Variants in MMP16 observed in about 807,000 individuals in gnomAD.
MMP16 encodes matrix metallopeptidase 16.
In MMP16, 12 loss-of-function variants were observed where a neutral mutation model predicts 67.8. The observed-to-expected ratio is 0.18, with a 90% CI of 0.11 to 0.29. The LOEUF is 0.29. Among genes scored for constraint, MMP16 ranks in the 10% least tolerant of loss-of-function variants. MMP16 has a pLI of 1.00. For missense variants in MMP16, 475 were observed against 765.7 expected (o/e 0.62, Z 4.48); for synonymous variants, 249 against 255.9 (o/e 0.97, Z 0.26).
intron 6 of MMP16, among the ~76,000 whole-genome samples, chr8:88,101,856 T>C (rs1019972902): frequency 6.6e-6 from 1 of 151,854 alleles, no homozygotes; most frequent in Admixed American, 6.6e-5. Context: ...CAGTTCCAGA[T>C]AGGACATATC....
At chr8:88,277,454 A>C (rs1341557777) in intron 1 of MMP16, among the ~76,000 whole-genome samples, 1 of 152,224 alleles carries the variant, frequency 6.6e-6, no homozygotes, top group Non-Finnish European at 1.5e-5. Context: ...ATTCTAATTA[A>C]GAAAAACACA....
intron 1 of MMP16, among the ~76,000 whole-genome samples, chr8:88,277,307 T>C (rs1810663604): frequency 6.6e-6 from 1 of 152,208 alleles, no homozygotes; most frequent in African/African-American, 2.4e-5. Context: ...TATGATTATG[T>C]GTATCTTCTT....
chr8:88,055,607 A>AAT (rs1326915253), intron 8 of MMP16, among the ~76,000 whole-genome samples: 1 of 152,196 alleles, frequency 6.6e-6, no homozygotes, highest in Non-Finnish European at 1.5e-5. Context: ...GTTGGGAAAA[A>AAT]ATATTATACT....
At chr8:88,254,275 C>T (rs1240144877) in intron 1 of MMP16, among the ~76,000 whole-genome samples, 7 of 152,048 alleles carry the variant, frequency 4.6e-5, no homozygotes, top group Admixed American at 1.3e-4. Flanking sequence ...CACATGGACA[C>T]GTCCAGGGAA....
At chr8:88,258,750 GC>G (rs1253448616) in intron 1 of MMP16, among the ~76,000 whole-genome samples, 4 of 151,792 alleles carry the variant, frequency 2.6e-5, no homozygotes, top group African/African-American at 9.7e-5. Flanking sequence ...GCTATTGTTC[GC>G]CTATCTCAAT....
chr8:88,256,867 T>C (rs1047674578), intron 1 of MMP16, among the ~76,000 whole-genome samples: 1 of 152,192 alleles, frequency 6.6e-6, no homozygotes, highest in Non-Finnish European at 1.5e-5. Flanking sequence ...TTATTTTATT[T>C]CTTTTATTTC....
At chr8:88,050,496 ATAAAG>A (rs1469624676) in intron 8 of MMP16, among the ~76,000 whole-genome samples, 2 of 152,354 alleles carry the variant, frequency 1.3e-5, no homozygotes, top group Non-Finnish European at 1.5e-5. Flanking sequence ...TTTTGTAGCT[ATAAAG>A]TAAATTTATA....
intron 6 of MMP16, among the ~76,000 whole-genome samples, chr8:88,086,045 A>G (rs991210876): frequency 1.3e-5 from 2 of 151,876 alleles, no homozygotes; most frequent in Admixed American, 6.6e-5. Context: ...TAAACAATAA[A>G]TCATAAAAAA....
chr8:88,032,928 C>T lies in MMP16; in HGVS notation c.*8533G>A, dbSNP rs1310431411. The stretch of plus-strand genomic sequence containing the variant: ...TTAAATCTAGATTTTAATACTCTCT[C>T]CATAATTGAAAACATCATGGGGAAT... On this transcript the variant is annotated 3_prime_UTR_variant, in exon 10 of 10. Transcript: ENST00000286614. 6.6e-6 allele frequency: 1 copy of T among 151,980 alleles called. No individual in the cohort carries two copies. Among genetic ancestry groups the T allele is most frequent in the East Asian group, 1.9e-4 (1 of 5,190 alleles). 9.4% of individuals were successfully genotyped at this position (151,980 alleles called of 1,614,324 possible).
chr8:88,048,723 T>C (rs1808229822), intron 8 of MMP16, among the ~76,000 whole-genome samples: 1 of 152,218 alleles, frequency 6.6e-6, no homozygotes, highest in Non-Finnish European at 1.5e-5. Flanking sequence ...TATTTGACAA[T>C]GCTTTTCCCC....
intron 1 of MMP16, among the ~76,000 whole-genome samples, chr8:88,291,448 T>C (rs13438893): frequency 9.7e-4 from 148 of 152,300 alleles, no homozygotes; most frequent in African/African-American, 3.4e-3. Context: ...CAGGGAGCTA[T>C]AATGAGAGAA....
chr8:88,089,800 A>G (rs1442159837), intron 6 of MMP16, among the ~76,000 whole-genome samples: 1 of 151,954 alleles, frequency 6.6e-6, no homozygotes, highest in Non-Finnish European at 1.5e-5. Flanking sequence ...TTAAATAATA[A>G]AACACACCTC....
At chr8:88,142,881 G>A (rs926646345) in intron 4 of MMP16, among the ~76,000 whole-genome samples, 3 of 152,052 alleles carry the variant, frequency 2.0e-5, no homozygotes, top group African/African-American at 7.2e-5. Flanking sequence ...ATTAATTCTC[G>A]ATTGTTCTAT....
rs1019383917 is a variant in MMP16, at chr8:88,327,446, G to C, written c.-240C>G. ...TCACCATCCTCCGGGGTCAGTCACCGGGAACGTGGCGCCTAAGTTCACCGG... is the reference window on the plus strand; with the variant it reads ...TCACCATCCTCCGGGGTCAGTCACCCGGAACGTGGCGCCTAAGTTCACCGG... On this transcript the variant is annotated 5_prime_UTR_variant, in exon 1 of 10. Transcript: ENST00000286614. The C allele has an allele frequency of 2.7e-4, 131 of 489,622 alleles. 3 individuals are homozygous for C. The highest frequency in any genetic ancestry group is 3.3e-4 in the Non-Finnish European group (88 of 267,630). The allele number at this position is 489,622 out of a possible 1,614,324, so 30.3% of individuals were successfully genotyped here.
At chr8:88,279,939 A>G (rs958950060) in intron 1 of MMP16, among the ~76,000 whole-genome samples, 5 of 152,184 alleles carry the variant, frequency 3.3e-5, no homozygotes, top group Non-Finnish European at 7.3e-5. Flanking sequence ...AGACATGTCC[A>G]GGAGCCAGAA....
chr8:88,231,788 G>C (rs1809862324), intron 1 of MMP16, among the ~76,000 whole-genome samples: 1 of 152,068 alleles, frequency 6.6e-6, no homozygotes, highest in South Asian at 2.1e-4. Flanking sequence ...TGTTTAAGTT[G>C]AAAACAAGTT....
intron 1 of MMP16, among the ~76,000 whole-genome samples, chr8:88,228,233 T>A (rs1320127335): frequency 6.6e-6 from 1 of 152,132 alleles, no homozygotes; most frequent in African/African-American, 2.4e-5. Context: ...AGAGCTTTAA[T>A]TTGTTCATAC....
At chr8:88,159,642 G>T (rs1174398181) in intron 4 of MMP16, among the ~76,000 whole-genome samples, 1 of 151,986 alleles carries the variant, frequency 6.6e-6, no homozygotes, top group Non-Finnish European at 1.5e-5. Flanking sequence ...CTGCCTGATT[G>T]CCCTGGCCAG....
chr8:88,085,910 A>G (rs1398652688), intron 6 of MMP16, among the ~76,000 whole-genome samples: 1 of 149,944 alleles, frequency 6.7e-6, no homozygotes, highest in Non-Finnish European at 1.5e-5. Flanking sequence ...GCAGATATGG[A>G]CCCCCTTTTT....
Sources: allele counts gnomAD v4.1 joint callset (sites outside exome capture counted in the v4.1 genomes callset), GRCh38; gene constraint gnomAD v4.1.1; transcripts MANE v1.5; gene names NCBI Gene and HGNC (gene_info 2026-07-23, HGNC 2026-07-21).